MEI1: variants seen among roughly 807,000 people sequenced by gnomAD.
The protein encoded by MEI1 is meiotic double-stranded break formation protein 1, also known as meiosis inhibitor protein 1.
MEI1 carries 103 observed loss-of-function variants against 146.2 expected under a neutral mutation model. That is an observed-to-expected ratio of 0.70 (90% CI 0.60 to 0.83). MEI1 has a LOEUF of 0.83. Ranked by LOEUF, MEI1 falls within the 40% of genes least tolerant of loss-of-function variation. MEI1 has a pLI of 0.00. For synonymous variants in MEI1, 652 were observed against 628.2 expected (o/e 1.04, Z -0.57); for missense variants, 1,529 against 1,533.0 (o/e 1.00, Z 0.04).
chr22:41,746,632 T>C (rs1484777792), intron 14 of MEI1, among the ~76,000 whole-genome samples: 2 of 152,242 alleles, frequency 1.3e-5, no homozygotes, highest in Non-Finnish European at 1.5e-5. Flanking sequence ...CAAGAGCTGC[T>C]GACTCTGGGT....
At chr22:41,748,081 G>C in intron 14 of MEI1, 26 bp from the exon 15 acceptor site, 1 of 1,545,680 alleles carries the variant, frequency 6.5e-7, no homozygotes. Context: ...CCCGTGGGCT[G>C]TGTTCTCTCT....
At chr22:41,740,910 A>T (rs895827650) in intron 11 of MEI1, among the ~76,000 whole-genome samples, 1 of 151,992 alleles carries the variant, frequency 6.6e-6, no homozygotes, top group Admixed American at 6.6e-5. Flanking sequence ...GATGGCTCTC[A>T]GTGCTCAACA....
intron 1 of MEI1, among the ~76,000 whole-genome samples, chr22:41,701,101 A>G (rs1160005321): frequency 6.6e-6 from 1 of 151,786 alleles, no homozygotes; most frequent in African/African-American, 2.4e-5. Flanking sequence ...CACTACGCCC[A>G]GCTAATTTTG....
At chr22:41,748,064 C>A in intron 14 of MEI1, 43 bp from the exon 15 acceptor site, 2 of 1,368,954 alleles carry the variant, frequency 1.5e-6, no homozygotes, top group Non-Finnish European at 2.1e-6. Context: ...TCTTCAGAGG[C>A]TCAGTCCCCG....
intron 19 of MEI1, among the ~76,000 whole-genome samples, chr22:41,764,141 T>C (rs2074693637): frequency 6.6e-6 from 1 of 152,056 alleles, no homozygotes; most frequent in South Asian, 2.1e-4. Flanking sequence ...TTTGTATTTT[T>C]AGTAGAGACG....
At chr22:41,724,607 ACT>A (rs372475595) in intron 7 of MEI1, among the ~76,000 whole-genome samples, 177 of 141,502 alleles carry the variant, frequency 1.3e-3, no homozygotes, top group African/African-American at 4.4e-3. Context: ...ACAGAACGAG[ACT>A]CTGTCTCAAA....
rs1003428060 is a variant in MEI1 at position 41,730,694 on chromosome 22, G to A, written c.1096+57G>A. The A allele has an allele frequency of 2.5e-5, 29 of 1,142,610 alleles. No homozygotes were observed. The African/African-American group carries it at 3.6e-4, about 14-fold the overall frequency. 70.8% of individuals were successfully genotyped at this position (1,142,610 alleles called of 1,614,324 possible). A position where few individuals can be genotyped will look rare whatever the true frequency, so the allele number is the denominator to read the frequency against. On this transcript the variant is annotated intron_variant, in intron 9 of 30. Transcript: ENST00000401548. ...GTTGGGTGGACGGCAGTTTGCACTT[G>A]GGTAGCAGCCGCAGTGATGGGGGGC...
At chr22:41,765,743 C>A (rs532427140) in intron 19 of MEI1, among the ~76,000 whole-genome samples, 1 of 152,014 alleles carries the variant, frequency 6.6e-6, no homozygotes, top group Non-Finnish European at 1.5e-5. Context: ...ATAAATACTT[C>A]AATTTGTATT....
At chr22:41,748,296 A>T in intron 15 of MEI1, 78 bp downstream of exon 15, 4 of 949,260 alleles carry the variant, frequency 4.2e-6, no homozygotes, top group Non-Finnish European at 6.8e-6. Flanking sequence ...CAAAGAGAGG[A>T]TAAGTTGTGG....
At chr22:41,767,717 C>A in intron 19 of MEI1, 2 of 417,096 alleles carry the variant, frequency 4.8e-6, no homozygotes, top group South Asian at 1.6e-5. Context: ...CCATGTGGGG[C>A]CCTGTCAGGT....
In MEI1 at chr22:41,745,107, G is replaced by A. The variant is rs149117560; in HGVS notation, c.1538+43G>A. 2.2e-4 allele frequency: 294 copies of A among 1,342,036 alleles called. 2 individuals carry two copies. The Admixed American group carries it at 2.4e-3, about 11-fold the overall frequency. The allele number at this position is 1,342,036 out of a possible 1,614,324, so 83.1% of individuals were successfully genotyped here. On this transcript the variant is annotated intron_variant, in intron 13 of 30. Coordinates refer to ENST00000401548, the MANE Select transcript of MEI1 (RefSeq NM_152513.4). ...GTATGAAGTAATAGCATGGAAGGTA[G>A]GGGTGGAAGGGATTCAGACAATGGG...
intron 4 of MEI1, among the ~76,000 whole-genome samples, chr22:41,714,322 T>C (rs944314213): frequency 2.6e-5 from 4 of 152,220 alleles, no homozygotes; most frequent in African/African-American, 9.6e-5. Context: ...GTGCCATCTT[T>C]CTGGCATAAT....
At position 41,721,719 on chromosome 22, in the gene MEI1, C is replaced by CTTTTT. The variant is rs58572782; in HGVS notation, c.734-2208_734-2204dup. Among the ~76,000 whole-genome samples, 864 of 102,214 alleles carry CTTTTT rather than the reference C, an allele frequency of 8.5e-3. 48 individuals carry two copies. Among genetic ancestry groups the CTTTTT allele is most frequent in the African/African-American group, 0.033 (794 of 24,240 alleles). 67.1% of individuals were successfully genotyped at this position (102,214 alleles called of 152,430 possible). ...GAATTCCCGTTTTTAAATGCTACCC[C>CTTTTT]TTTTTTTTTTTTTTTTTTTTGAGAT... On this transcript the variant is annotated intron_variant, in intron 6 of 30. Coordinates refer to ENST00000401548, the MANE Select transcript of MEI1 (RefSeq NM_152513.4).
rs1223129973 is a variant in MEI1 at position 41,699,629 on chromosome 22, C to T, written c.91C>T (p.His31Tyr). 3.7e-6 allele frequency: 6 copies of T among 1,609,386 alleles called. No individual in the cohort carries two copies. In the South Asian group the frequency reaches 4.4e-5, roughly 12 times the overall value. ...ALLFERAHYR[H>Y]DPRWLLPVTP... The stretch of plus-strand genomic sequence containing the variant: ...TCTATTCGAGAGGGCCCATTACCGG[C>T]ACGACCCGCGCTGGCTGCTGCCCGT... Residue 31 changes from histidine to tyrosine, a missense_variant, in exon 1 of 31, where the codon CAC becomes TAC. Coordinates refer to ENST00000401548, the MANE Select transcript of MEI1 (RefSeq NM_152513.4).
chr22:41,728,269 A>G (rs181139886), intron 7 of MEI1, among the ~76,000 whole-genome samples: 12 of 151,768 alleles, frequency 7.9e-5, no homozygotes, highest in Admixed American at 7.9e-4. Flanking sequence ...TCCGTTAGGA[A>G]CCCTCCTGAA....
At chr22:41,773,845 A>T (rs1383395540) in intron 20 of MEI1, among the ~76,000 whole-genome samples, 1 of 152,244 alleles carries the variant, frequency 6.6e-6, no homozygotes, top group Non-Finnish European at 1.5e-5. Context: ...ACTGCACTCC[A>T]GCCTGGGCGA....
intron 26 of MEI1, among the ~76,000 whole-genome samples, chr22:41,790,722 C>T (rs2076149624): frequency 6.6e-6 from 1 of 151,870 alleles, no homozygotes; most frequent in African/African-American, 2.4e-5. Flanking sequence ...CCCTCCTGAG[C>T]AGCTGGGACT....
chr22:41,704,069 A>T (rs759754562), intron 2 of MEI1, among the ~76,000 whole-genome samples: 6 of 152,138 alleles, frequency 3.9e-5, no homozygotes, highest in Admixed American at 1.3e-4. Context: ...CCTAGGTATG[A>T]CCCTGCTCAA....
At chr22:41,728,783 T>G (rs1035674004) in intron 7 of MEI1, among the ~76,000 whole-genome samples, 1 of 147,378 alleles carries the variant, frequency 6.8e-6, no homozygotes, top group African/African-American at 2.5e-5. Context: ...ATTGCTTACG[T>G]TGGAGAAGTT....
Sources: allele counts gnomAD v4.1 joint callset (sites outside exome capture counted in the v4.1 genomes callset), GRCh38; gene constraint gnomAD v4.1.1; transcripts MANE v1.5; gene names NCBI Gene and HGNC (gene_info 2026-07-23, HGNC 2026-07-21).